Variants in ANKRD36 observed in about 807,000 individuals in gnomAD.
The protein encoded by ANKRD36 is ankyrin repeat domain 36, also known as ankyrin repeat domain-containing protein 36A.
Under a neutral mutation model 278.1 loss-of-function variants are expected in ANKRD36, and 179 were observed. The observed-to-expected ratio is 0.64, with a 90% CI of 0.57 to 0.73. ANKRD36 has a LOEUF of 0.73. ANKRD36 is among the 30% of genes least tolerant of loss of function. The probability of loss-of-function intolerance (pLI) is 0.00; values close to 1 mark genes in which losing one functional copy is unlikely to be tolerated. For synonymous variants in ANKRD36, 320 were observed against 641.1 expected (o/e 0.50, Z 7.57); for missense variants, 1,159 against 1,956.7 (o/e 0.59, Z 7.69).
Position 97,206,341 on chromosome 2 carries a change from G to A in ANKRD36, c.3163+206G>A, listed in dbSNP as rs559866896. ...GCTGTAAGATTATACACTTCCCCAC[G>A]TTGAAGTTGGGAAGAAGATATATGG... On this transcript the variant is annotated intron_variant, in intron 52 of 75. Transcript: ENST00000420699. 4.4e-4 allele frequency among the ~76,000 whole-genome samples: 67 copies of A among 151,498 alleles called. 1 individual carries two copies. The highest frequency in any genetic ancestry group is 1.4e-3 in the African/African-American group (59 of 41,440).
At chr2:97,140,586 G>A (rs930773974) in intron 6 of ANKRD36, among the ~76,000 whole-genome samples, 6 of 152,140 alleles carry the variant, frequency 3.9e-5, no homozygotes, top group East Asian at 1.9e-4. Context: ...TGTGAGTGAA[G>A]AACAGCTGTG....
At chr2:97,152,644 T>C in intron 14 of ANKRD36, 110 bp downstream of exon 14, 1 of 928,470 alleles carries the variant, frequency 1.1e-6, no homozygotes, top group Non-Finnish European at 1.5e-6. Flanking sequence ...TATTACATGC[T>C]TAACATTTAT....
At chr2:97,203,366 A>T (rs2061931113) in intron 48 of ANKRD36, among the ~76,000 whole-genome samples, 1 of 151,866 alleles carries the variant, frequency 6.6e-6, no homozygotes. Flanking sequence ...CAAATTTGAT[A>T]ATTGATGATA....
intron 66 of ANKRD36, among the ~76,000 whole-genome samples, chr2:97,221,084 A>G (rs1392321370): frequency 7.5e-6 from 1 of 132,688 alleles, no homozygotes; most frequent in African/African-American, 3.5e-5. Context: ...AATTTCATCC[A>G]TGTCCCTACA....
At chr2:97,179,602 A>T in intron 22 of ANKRD36, 136 bp from the exon 23 acceptor site, 1 of 886,552 alleles carries the variant, frequency 1.1e-6, no homozygotes, top group South Asian at 1.8e-5. Flanking sequence ...CAAGAAACAA[A>T]GTATAAAATA....
chr2:97,228,725 T>C (rs1201855019), intron 67 of ANKRD36, among the ~76,000 whole-genome samples: 1 of 151,482 alleles, frequency 6.6e-6, no homozygotes, highest in Non-Finnish European at 1.5e-5. Flanking sequence ...TTAATTGTGA[T>C]GTTAGGGTGT....
chr2:97,176,997 A>G (rs534019486), intron 22 of ANKRD36, among the ~76,000 whole-genome samples: 2 of 151,896 alleles, frequency 1.3e-5, no homozygotes, highest in South Asian at 4.2e-4. Flanking sequence ...TACAAAATCA[A>G]TGTGCAAAAA....
At chr2:97,220,777 T>TTTTTTTTTTTTTTTTTTTTTTAA (rs2067368758) in intron 66 of ANKRD36, among the ~76,000 whole-genome samples, 1 of 94,508 alleles carries the variant, frequency 1.1e-5, no homozygotes, top group African/African-American at 8.6e-5. Flanking sequence ...TTTTTTTAAT[T>TTTTTTTTTTTTTTTTTTTTTTAA]TTTTTTTTTT....
At chr2:97,150,870 T>C in intron 12 of ANKRD36, among the ~76,000 whole-genome samples, 1 of 31,912 alleles carries the variant, frequency 3.1e-5, no homozygotes. Flanking sequence ...TGGAATTTTA[T>C]TGTTTTTTTT....
At chr2:97,211,850 T>C in intron 58 of ANKRD36, 109 bp downstream of exon 58, 1 of 1,314,858 alleles carries the variant, frequency 7.6e-7, no homozygotes, top group Non-Finnish European at 1.0e-6. Context: ...TCTGCTTCAG[T>C]ATTCCTGAGA....
At chr2:97,200,815 A>G (rs1483866633) in intron 46 of ANKRD36, among the ~76,000 whole-genome samples, 1 of 151,896 alleles carries the variant, frequency 6.6e-6, no homozygotes, top group Non-Finnish European at 1.5e-5. Flanking sequence ...ATTCTGTAGC[A>G]TCTTTTCATT....
intron 66 of ANKRD36, among the ~76,000 whole-genome samples, chr2:97,220,726 T>C (rs1345661385): frequency 7.4e-6 from 1 of 135,344 alleles, no homozygotes; most frequent in Non-Finnish European, 1.5e-5. Flanking sequence ...ACTGATTTTC[T>C]TGCTTTTTTT....
intron 1 of ANKRD36, among the ~76,000 whole-genome samples, chr2:97,114,255 T>G (rs1574442428): frequency 1.0e-5 from 1 of 98,502 alleles, no homozygotes; most frequent in Non-Finnish European, 2.0e-5. Context: ...GGAGATGGGG[T>G]GAGGGTTCAA....
intron 22 of ANKRD36, among the ~76,000 whole-genome samples, chr2:97,178,804 T>G (rs62153949): frequency 0.56 from 84,193 of 150,884 alleles, 29,050 homozygotes; most frequent in Non-Finnish European, 0.78. Context: ...AATGTGCGCA[T>G]GTACCCTAAA....
chr2:97,173,039 A>G (rs2053097904), intron 22 of ANKRD36, among the ~76,000 whole-genome samples: 1 of 150,014 alleles, frequency 6.7e-6, no homozygotes, highest in African/African-American at 2.4e-5. Context: ...TTCATTTTTC[A>G]TGTCAATTAC....
chr2:97,127,034 TA>T, intron 5 of ANKRD36, 32 bp from the exon 6 acceptor site: 1 of 867,358 alleles, frequency 1.2e-6, no homozygotes, highest in Non-Finnish European at 1.7e-6. Context: ...ATAATAGTAT[TA>T]AAATATTAAT....
At chr2:97,157,944 C>T (rs1358770398) in intron 15 of ANKRD36, among the ~76,000 whole-genome samples, 163 bp from the exon 16 acceptor site, 3 of 151,798 alleles carry the variant, frequency 2.0e-5, no homozygotes, top group Non-Finnish European at 4.4e-5. Context: ...TAATCATCAT[C>T]CCATGTGAAT....
intron 67 of ANKRD36, among the ~76,000 whole-genome samples, chr2:97,230,071 T>C (rs1466264150): frequency 6.6e-6 from 1 of 152,124 alleles, no homozygotes; most frequent in Admixed American, 6.5e-5. Context: ...GCCCTTAACA[T>C]TTTTTCCTTC....
rs570337094 is a variant in ANKRD36 at position 97,151,302 on chromosome 2, T to G, written c.1102-577T>G. On this transcript the variant is annotated intron_variant, in intron 12 of 75. Coordinates refer to ENST00000420699, the MANE Select transcript of ANKRD36 (RefSeq NM_001354587.1). The stretch of plus-strand genomic sequence containing the variant: ...CCTTCATTCGTGAATCATTGCTCCA[T>G]AAGGTGGATGATTGCTTTTTTCTGT... 3.9e-5 allele frequency among the ~76,000 whole-genome samples: 6 copies of G among 152,014 alleles called. No individual in the cohort carries two copies. In the South Asian group the frequency reaches 6.3e-4, roughly 16 times the overall value.
Sources: allele counts gnomAD v4.1 joint callset (sites outside exome capture counted in the v4.1 genomes callset), GRCh38; gene constraint gnomAD v4.1.1; transcripts MANE v1.5; gene names NCBI Gene and HGNC (gene_info 2026-07-23, HGNC 2026-07-21).